The following LGR6 variants were observed in gnomAD, a reference collection of about 807,000 sequenced individuals.
The protein encoded by LGR6 is leucine-rich repeat-containing G protein-coupled receptor 6.
LGR6 carries 45 observed loss-of-function variants against 69.4 expected under a neutral mutation model. The observed-to-expected ratio is 0.65, with a 90% confidence interval of 0.51 to 0.83. The LOEUF (loss-of-function observed/expected upper bound fraction) is 0.83, where lower values mean the gene tolerates loss of function less well. Ranked by LOEUF, LGR6 falls within the 40% of genes least tolerant of loss-of-function variation. LGR6 has a pLI of 0.00. For missense variants in LGR6, 1,108 were observed against 1,246.7 expected (o/e 0.89, Z 1.68); for synonymous variants, 538 against 555.0 (o/e 0.97, Z 0.43).
At chr1:202,276,572 G>T in intron 5 of LGR6, 51 bp downstream of exon 5, 2 of 1,459,580 alleles carry the variant, frequency 1.4e-6, no homozygotes, top group South Asian at 1.2e-5. Context: ...TGGGGGCTGG[G>T]GGCTGCATGT....
intron 4 of LGR6, among the ~76,000 whole-genome samples, chr1:202,269,277 G>A (rs1391269552): frequency 2.6e-5 from 4 of 152,076 alleles, no homozygotes; most frequent in African/African-American, 9.7e-5. Flanking sequence ...TCTTAGTGAT[G>A]GGCAGCTTCA....
intron 1 of LGR6, among the ~76,000 whole-genome samples, chr1:202,205,455 C>T (rs1659159131): frequency 1.7e-5 from 2 of 118,794 alleles, no homozygotes; most frequent in Admixed American, 8.4e-5. Flanking sequence ...AACACACACA[C>T]ACCTCCAAAC....
At chr1:202,298,105 T>C (rs1667294985) in intron 7 of LGR6, among the ~76,000 whole-genome samples, 1 of 152,144 alleles carries the variant, frequency 6.6e-6, no homozygotes, top group Admixed American at 6.5e-5. Flanking sequence ...GACATGGCCC[T>C]CCCCAAGCAT....
rs566237311 is a variant in LGR6, at chr1:202,220,680, G to A, written c.213-4743G>A. ...AGGTGCTGTGCTACATGCATGGTAA[G>A]TGCTCAGTAAGCACTGTTGAGTGAT... On this transcript the variant is annotated intron_variant, in intron 1 of 17. Transcript: ENST00000367278. Among the ~76,000 whole-genome samples the A allele has an allele frequency of 5.3e-5, 8 of 152,120 alleles. No individual in the cohort carries two copies. The South Asian group carries it at 1.5e-3, about 28-fold the overall frequency.
intron 4 of LGR6, among the ~76,000 whole-genome samples, chr1:202,244,269 T>C (rs1233851212): frequency 6.6e-6 from 1 of 152,194 alleles, no homozygotes; most frequent in Non-Finnish European, 1.5e-5. Context: ...ATCACCTGTG[T>C]CTTAACAAGC....
intron 4 of LGR6, among the ~76,000 whole-genome samples, chr1:202,261,567 A>G (rs1374054248): frequency 2.0e-5 from 3 of 152,198 alleles, no homozygotes; most frequent in Non-Finnish European, 4.4e-5. Flanking sequence ...TCTTTATAAC[A>G]GCATGATTTA....
chr1:202,197,277 G>T lies in LGR6; in HGVS notation c.212+3076G>T, dbSNP rs1421000480. Among the ~76,000 whole-genome samples, 5 of 152,320 alleles carry T rather than the reference G, an allele frequency of 3.3e-5. No homozygotes were observed. The East Asian group carries it at 9.6e-4, about 29-fold the overall frequency. Reference sequence around the variant, plus strand: ...CTTGGTTCTAGGGAAGACCAGAAAGGCGTCTTTATAGCCAACTGGTATTCT... The same window carrying T: ...CTTGGTTCTAGGGAAGACCAGAAAGTCGTCTTTATAGCCAACTGGTATTCT... On this transcript the variant is annotated intron_variant, in intron 1 of 17. Transcript: ENST00000367278.
At chr1:202,310,087 G>T in intron 15 of LGR6, 110 bp from the exon 16 acceptor site, 1 of 1,103,960 alleles carries the variant, frequency 9.1e-7, no homozygotes, top group Non-Finnish European at 1.3e-6. Flanking sequence ...GGGAGTTGAA[G>T]GACAGACACT....
intron 16 of LGR6, among the ~76,000 whole-genome samples, chr1:202,313,241 A>G (rs997812942): frequency 1.3e-5 from 2 of 152,034 alleles, no homozygotes; most frequent in South Asian, 2.1e-4. Flanking sequence ...AAAAAAAAAA[A>G]GTGTAAAGCC....
intron 6 of LGR6, among the ~76,000 whole-genome samples, chr1:202,283,159 C>T (rs1473756602): frequency 6.6e-6 from 1 of 152,216 alleles, no homozygotes; most frequent in African/African-American, 2.4e-5. Flanking sequence ...GGAGCCTGCC[C>T]TACACTCCTT....
At chr1:202,242,263 A>T (rs1001507414) in intron 4 of LGR6, among the ~76,000 whole-genome samples, 1 of 152,234 alleles carries the variant, frequency 6.6e-6, no homozygotes, top group Non-Finnish European at 1.5e-5. Context: ...CACAGCTAGG[A>T]TGTAACAGAG....
chr1:202,216,889 T>A (rs949206754), intron 1 of LGR6, among the ~76,000 whole-genome samples: 1 of 152,240 alleles, frequency 6.6e-6, no homozygotes, highest in Admixed American at 6.5e-5. Context: ...CTCCTGGCTC[T>A]GGGCACAGGC....
At chr1:202,289,514 C>G (rs1381509160) in intron 6 of LGR6, among the ~76,000 whole-genome samples, 1 of 152,178 alleles carries the variant, frequency 6.6e-6, no homozygotes, top group African/African-American at 2.4e-5. Flanking sequence ...CAGGTAGATT[C>G]TGAATTTTCT....
In LGR6 at chr1:202,228,333, C is replaced by G. The variant is rs555393449; in HGVS notation, c.356+326C>G. ...CAGTTACAGACCCACAGGTCTCTCC[C>G]CATGACCTCTAGCCCAAGAGACGGA... On this transcript the variant is annotated intron_variant, in intron 3 of 17. Coordinates refer to ENST00000367278, the MANE Select transcript of LGR6 (RefSeq NM_001017403.2). 1.6e-4 allele frequency among the ~76,000 whole-genome samples: 24 copies of G among 152,312 alleles called. 2 individuals carry two copies. The South Asian group carries it at 4.4e-3, about 28-fold the overall frequency.
At chr1:202,205,875 CCG>C (rs1310370956) in intron 1 of LGR6, among the ~76,000 whole-genome samples, 1 of 146,398 alleles carries the variant, frequency 6.8e-6, no homozygotes, top group African/African-American at 2.5e-5. Context: ...AAACACACAC[CCG>C]TCCTTCAAAC....
rs778785549 is a variant in LGR6 at position 202,318,270 on chromosome 1, C to T, written c.1967C>T (p.Ser656Leu). The change falls in exon 18 of 18, where the codon TCG becomes TTG. Residue 656 changes from serine to leucine, a missense_variant. Ser to Leu is a moderately radical substitution (Grantham distance 145, BLOSUM62 -2). Transcript: ENST00000367278. The part of the protein sequence containing the change: ...GFLAVLGSEA[S>L]VLLLTLAAVQ... Reference sequence around the variant, plus strand: ...CTGGCAGTACTTGGGTCGGAGGCATCGGTGCTGCTGCTCACTCTGGCCGCA... The same window carrying T: ...CTGGCAGTACTTGGGTCGGAGGCATTGGTGCTGCTGCTCACTCTGGCCGCA... 8 of 1,606,652 alleles carry T rather than the reference C, an allele frequency of 5.0e-6. No individual in the cohort carries two copies. Among genetic ancestry groups the T allele is most frequent in the East Asian group, 2.2e-5 (1 of 44,740 alleles).
intron 4 of LGR6, among the ~76,000 whole-genome samples, chr1:202,251,987 C>A (rs2148063695): frequency 6.6e-6 from 1 of 151,898 alleles, no homozygotes; most frequent in African/African-American, 2.4e-5. Context: ...TTAGTTCTGC[C>A]TTTTGTTGAG....
intron 13 of LGR6, 23 bp downstream of exon 13, chr1:202,306,962 G>A (rs1236093428): frequency 6.3e-7 from 1 of 1,597,066 alleles, no homozygotes; most frequent in Non-Finnish European, 8.6e-7. Flanking sequence ...ATCCAGGGGT[G>A]GGCCATGGAG....
chr1:202,203,197 C>T (rs906042527), intron 1 of LGR6, among the ~76,000 whole-genome samples: 3 of 152,048 alleles, frequency 2.0e-5, no homozygotes, highest in African/African-American at 7.3e-5. Flanking sequence ...GTTAGAATTG[C>T]CCCCCTACCT....
Sources: gnomAD v4.1 joint callset for allele counts (sites outside exome capture counted in the v4.1 genomes callset) on GRCh38, gnomAD v4.1.1 for gene constraint, MANE v1.5 for transcripts, NCBI Gene and HGNC (gene_info 2026-07-23, HGNC 2026-07-21) for gene names.